PADI4: variants seen among roughly 807,000 people sequenced by gnomAD.
The protein encoded by PADI4 is protein-arginine deiminase type-4.
PADI4 carries 62 observed loss-of-function variants against 75.0 expected under a neutral mutation model. That is an observed-to-expected ratio of 0.83 (90% CI 0.67 to 1.02). The LOEUF (loss-of-function observed/expected upper bound fraction) is 1.02, where lower values mean the gene tolerates loss of function less well. Among genes scored for constraint, PADI4 ranks in the 50% least tolerant of loss-of-function variants. The pLI is 0.00. For missense variants in PADI4, 845 were observed against 850.5 expected (o/e 0.99, Z 0.08); for synonymous variants, 361 against 348.1 (o/e 1.04, Z -0.41).
Position 17,350,711 on chromosome 1 carries a change from A to G in PADI4, c.1155+2663A>G, listed in dbSNP as rs1303132915. Among the ~76,000 whole-genome samples the G allele has an allele frequency of 3.1e-5, 4 of 130,316 alleles. 1 individual carries two copies. Among genetic ancestry groups the G allele is most frequent in the Non-Finnish European group, 7.0e-5 (4 of 57,456 alleles). 85.5% of individuals were successfully genotyped at this position (130,316 alleles called of 152,430 possible). A position where few individuals can be genotyped will look rare whatever the true frequency, so the allele number is the denominator to read the frequency against. On this transcript the variant is annotated intron_variant, in intron 10 of 15. Coordinates refer to ENST00000375448, the MANE Select transcript of PADI4 (RefSeq NM_012387.3). ...AGGGCAGTGATGTGGCTGAATTTAC[A>G]TTCATTCATCAAACACTGTTTGAAC...
chr1:17,356,066 A>C lies in PADI4; in HGVS notation c.1394A>C (p.Asp465Ala). 6.2e-7 allele frequency: 1 copy of C among 1,614,068 alleles called. No homozygotes were observed. The highest frequency in any genetic ancestry group is 8.5e-7 in the Non-Finnish European group (1 of 1,179,998). Residue 465 changes from aspartate (D) to alanine (A), a missense_variant, in exon 12 of 16, where the codon GAC (aspartate) becomes GCC (alanine). By Grantham distance (126) the Asp-to-Ala change is moderately radical. Transcript: ENST00000375448. This position sits in a 1 kb window ranked among gnomAD's most constrained non-coding sequence, Gnocchi z 4.1. ...CAGGCCCCTGTGAAGCTCTATTCTG[A>C]CTGGCTGTCCGTGGGCCACGTGGAC... The part of the protein sequence containing the change: ...QVQAPVKLYS[D>A]WLSVGHVDEF...
At position 17,342,212 on chromosome 1, in the gene PADI4, G is replaced by A. The variant is rs923425041; in HGVS notation, c.832-87G>A. The stretch of plus-strand genomic sequence containing the variant: ...GGGGTACAGAGCCCAGCTGGGCAGG[G>A]GGACTCCAAACAGCTGCAGGAAGTG... On this transcript the variant is annotated intron_variant, in intron 7 of 15. Coordinates refer to ENST00000375448, the MANE Select transcript of PADI4 (RefSeq NM_012387.3). 21 of 1,458,598 alleles carry A rather than the reference G, an allele frequency of 1.4e-5. No homozygotes were observed. The African/African-American group carries it at 2.9e-4, about 20-fold the overall frequency. 90.4% of individuals were successfully genotyped at this position (1,458,598 alleles called of 1,614,324 possible). A position where few individuals can be genotyped will look rare whatever the true frequency, so the allele number is the denominator to read the frequency against.
chr1:17,338,147 A>G lies in PADI4; in HGVS notation c.518A>G (p.Asp173Gly). Residue 173 changes from aspartate (D) to glycine (G), a missense_variant, in exon 5 of 16, where the codon GAC becomes GGC. Coordinates refer to ENST00000375448, the MANE Select transcript of PADI4 (RefSeq NM_012387.3). ...GACTGCGAGGATGATGAAGTGCTTGACAGCGAAGGTAAAGAGCATTTGCTA... is the reference window on the plus strand; with the variant it reads ...GACTGCGAGGATGATGAAGTGCTTGGCAGCGAAGGTAAAGAGCATTTGCTA... ...AMDCEDDEVL[D>G]SEDLQDMSLM... The G allele has an allele frequency of 6.2e-7, 1 of 1,604,088 alleles. No homozygotes were observed. The highest frequency in any genetic ancestry group is 8.5e-7 in the Non-Finnish European group (1 of 1,171,084).
chr1:17,361,709 T>C (rs978426478), intron 15 of PADI4, among the ~76,000 whole-genome samples: 1 of 152,196 alleles, frequency 6.6e-6, no homozygotes, highest in Non-Finnish European at 1.5e-5. Context: ...AGCTATTGAA[T>C]AGCAGAGTTA....
chr1:17,361,590 G>A (rs1484408959), intron 15 of PADI4, among the ~76,000 whole-genome samples: 1 of 152,250 alleles, frequency 6.6e-6, no homozygotes, highest in East Asian at 1.9e-4. Context: ...TGCCAGCACA[G>A]TGCTGTGCCT....
intron 8 of PADI4, among the ~76,000 whole-genome samples, 178 bp from the exon 9 acceptor site, chr1:17,345,850 T>A (rs893562947): frequency 3.9e-5 from 6 of 152,114 alleles, no homozygotes; most frequent in Non-Finnish European, 8.8e-5. Flanking sequence ...TCCTGCCTCA[T>A]AACTTGTTAG....
intron 1 of PADI4, among the ~76,000 whole-genome samples, chr1:17,308,648 T>C (rs2073719982): frequency 6.6e-6 from 1 of 152,180 alleles, no homozygotes; most frequent in Non-Finnish European, 1.5e-5. Context: ...ACACAGCACG[T>C]GTGCCCTGGA....
chr1:17,356,023 C>T lies in PADI4; in HGVS notation c.1351C>T (p.Leu451Phe), dbSNP rs1229250956. The T allele has an allele frequency of 1.2e-6, 2 of 1,614,064 alleles. No homozygotes were observed. Among genetic ancestry groups the T allele is most frequent in the East Asian group, 2.2e-5 (1 of 44,870 alleles). Reference sequence around the variant, plus strand: ...GATGCACCAGGCCCTGCAGGACTTCCTCAGTGCCCAGCAGGTGCAGGCCCC... The same window carrying T: ...GATGCACCAGGCCCTGCAGGACTTCTTCAGTGCCCAGCAGGTGCAGGCCCC... ...RQMHQALQDF[L>F]SAQQVQAPVK... Residue 451 changes from leucine (L) to phenylalanine (F), a missense_variant, in exon 12 of 16, where the codon CTC (leucine) becomes TTC (phenylalanine). Physicochemically the swap from Leu to Phe is conservative, Grantham distance 22 (BLOSUM62 0). Transcript: ENST00000375448. The surrounding 1 kb of genome is among the most constrained non-coding windows in gnomAD (Gnocchi z 4.1).
chr1:17,339,977 C>T (rs796637624), intron 6 of PADI4, among the ~76,000 whole-genome samples, 164 bp downstream of exon 6: 27 of 152,190 alleles, frequency 1.8e-4, no homozygotes, highest in African/African-American at 4.8e-4. Flanking sequence ...CTACTACCTT[C>T]CAGTTGGAGG....
Position 17,339,820 on chromosome 1 carries a change from C to A in PADI4, c.652+7C>A. On this transcript the variant is annotated splice_region_variant and intron_variant, in intron 6 of 15. Coordinates refer to ENST00000375448, the MANE Select transcript of PADI4 (RefSeq NM_012387.3). ...AGGGTGTTTCAGGCCACACGTAAGT[C>A]ATCCCCATCTTTGTTCCCCTCCTGC... The A allele has an allele frequency of 1.3e-6, 2 of 1,596,146 alleles. No homozygotes were observed. Among genetic ancestry groups the A allele is most frequent in the Non-Finnish European group, 1.7e-6 (2 of 1,170,738 alleles).
At chr1:17,334,717 C>A in intron 3 of PADI4, 1 of 437,792 alleles carries the variant, frequency 2.3e-6, no homozygotes, top group South Asian at 1.6e-5. Context: ...CTCATCTTCA[C>A]CATTTCTGCC....
At chr1:17,355,238 C>T (rs2074739634) in intron 11 of PADI4, among the ~76,000 whole-genome samples, 1 of 152,176 alleles carries the variant, frequency 6.6e-6, no homozygotes. Context: ...GCGTGCAAGG[C>T]CAGGATGGCT....
rs961630093 is a variant in PADI4 at position 17,318,231 on chromosome 1, C to T, written c.92+9917C>T. On this transcript the variant is annotated intron_variant, in intron 1 of 15. Transcript: ENST00000375448. ...GCACCAATGCAGAGAAGGAGGTAGT[C>T]GTGATGTGGCAGGAATGGCACCAGG... Among the ~76,000 whole-genome samples, 16 of 152,188 alleles carry T rather than the reference C, an allele frequency of 1.1e-4. No individual in the cohort carries two copies. In the East Asian group the frequency reaches 1.7e-3, roughly 16 times the overall value.
At chr1:17,352,220 G>T (rs1355163995) in intron 10 of PADI4, among the ~76,000 whole-genome samples, 1 of 136,800 alleles carries the variant, frequency 7.3e-6, no homozygotes, top group African/African-American at 3.3e-5. Context: ...AAGAGGGGTG[G>T]TCAGGGAAGA....
In PADI4 at chr1:17,356,884, G is replaced by A. The variant is rs917949075; in HGVS notation, c.1558+425G>A. On this transcript the variant is annotated intron_variant, in intron 13 of 15. Coordinates refer to ENST00000375448, the MANE Select transcript of PADI4 (RefSeq NM_012387.3). This position sits in a 1 kb window ranked among gnomAD's most constrained non-coding sequence, Gnocchi z 4.1. ...AAAGCACGATGTGTGTGAGGACCTC[G>A]GGGAGGTTCGGTATAGCTGGAGCAC... Among the ~76,000 whole-genome samples the A allele has an allele frequency of 2.6e-5, 4 of 152,204 alleles. No individual in the cohort carries two copies. Among genetic ancestry groups the A allele is most frequent in the East Asian group, 3.8e-4 (2 of 5,196 alleles).
chr1:17,318,032 A>G (rs2073970081), intron 1 of PADI4, among the ~76,000 whole-genome samples: 1 of 152,142 alleles, frequency 6.6e-6, no homozygotes, highest in Non-Finnish European at 1.5e-5. Flanking sequence ...ACAAACAAAA[A>G]ACACACACTT....
chr1:17,349,130 G>GTCGA (rs1345093266), intron 10 of PADI4, among the ~76,000 whole-genome samples: 1 of 152,210 alleles, frequency 6.6e-6, no homozygotes, highest in Non-Finnish European at 1.5e-5. Flanking sequence ...CAGCCATGGG[G>GTCGA]TCGAGTTCAT....
intron 1 of PADI4, among the ~76,000 whole-genome samples, chr1:17,309,462 A>G (rs142572581): frequency 0.02 from 3,109 of 152,274 alleles, 99 homozygotes; most frequent in African/African-American, 0.07. Context: ...TGCTTAAAAG[A>G]TAACTTAACT....
chr1:17,337,090 C>T (rs1425137153), intron 4 of PADI4, among the ~76,000 whole-genome samples: 1 of 152,218 alleles, frequency 6.6e-6, no homozygotes, highest in Non-Finnish European at 1.5e-5. Flanking sequence ...TATTGACATA[C>T]ATATTTAGCT....
Sources: gnomAD v4.1 joint callset for allele counts (sites outside exome capture counted in the v4.1 genomes callset) on GRCh38, gnomAD v4.1.1 for gene constraint, Gnocchi (gnomAD v3.1) non-coding constraint, MANE v1.5 for transcripts, NCBI Gene and HGNC (gene_info 2026-07-23, HGNC 2026-07-21) for gene names.